SRBD1: variants seen among roughly 807,000 people sequenced by gnomAD.
The protein encoded by SRBD1 is S1 RNA-binding domain-containing protein 1.
Under a neutral mutation model 115.3 loss-of-function variants are expected in SRBD1, and 88 were observed. The ratio of observed to expected loss-of-function variants is 0.76; its 90% CI spans 0.64 to 0.91. The LOEUF is 0.91. SRBD1 is among the 40% of genes least tolerant of loss of function. The pLI is 0.00. For missense variants in SRBD1, 1,385 were observed against 1,177.4 expected (o/e 1.18, Z -2.58); for synonymous variants, 509 against 407.7 (o/e 1.25, Z -2.99).
intron 16 of SRBD1, among the ~76,000 whole-genome samples, chr2:45,456,041 A>G (rs558004921): frequency 5.4e-4 from 82 of 151,916 alleles, no homozygotes; most frequent in African/African-American, 1.9e-3. Context: ...AAAAAAAATC[A>G]CCTTACTAAA....
intron 19 of SRBD1, among the ~76,000 whole-genome samples, chr2:45,396,824 G>T (rs1400977915): frequency 6.6e-6 from 1 of 152,046 alleles, no homozygotes; most frequent in Non-Finnish European, 1.5e-5. Context: ...CTGAGGACTT[G>T]GTTCATTACA....
intron 15 of SRBD1, among the ~76,000 whole-genome samples, chr2:45,477,759 G>A (rs2103821877): frequency 6.6e-6 from 1 of 152,248 alleles, no homozygotes; most frequent in East Asian, 1.9e-4. Flanking sequence ...CTTGGCTAAT[G>A]AATATACTCA....
intron 14 of SRBD1, among the ~76,000 whole-genome samples, chr2:45,500,781 T>C (rs1411521319): frequency 6.6e-6 from 1 of 152,212 alleles, no homozygotes; most frequent in African/African-American, 2.4e-5. Context: ...TTATCACTTC[T>C]AAGAGTTTTT....
intron 14 of SRBD1, among the ~76,000 whole-genome samples, chr2:45,543,017 ATGAG>A (rs1224289945): frequency 6.6e-6 from 1 of 152,232 alleles, no homozygotes; most frequent in African/African-American, 2.4e-5. Flanking sequence ...CAAAAGCAAA[ATGAG>A]TGCCTACCAT....
chr2:45,394,635 C>G lies in SRBD1; in HGVS notation c.2514-1506G>C, dbSNP rs562271948. ...CATTGTTGTGTTCAACCAGAAAGGT[C>G]TCTTCACAGTGATACTCTGATAATA... On this transcript the variant is annotated intron_variant, in intron 19 of 20. Coordinates refer to ENST00000263736, the MANE Select transcript of SRBD1 (RefSeq NM_018079.5). Among the ~76,000 whole-genome samples the G allele has an allele frequency of 3.3e-5, 5 of 152,282 alleles. No homozygotes were observed. In the East Asian group the frequency reaches 9.7e-4, roughly 29 times the overall value.
chr2:45,394,998 T>C (rs1667104157), intron 19 of SRBD1, among the ~76,000 whole-genome samples: 1 of 152,152 alleles, frequency 6.6e-6, no homozygotes, highest in Non-Finnish European at 1.5e-5. Context: ...AACAGTAGCA[T>C]ACAAGGGTCC....
At chr2:45,515,672 T>C (rs1428020401) in intron 14 of SRBD1, among the ~76,000 whole-genome samples, 1 of 152,158 alleles carries the variant, frequency 6.6e-6, no homozygotes, top group Non-Finnish European at 1.5e-5. Context: ...AACTGATCAC[T>C]ATGCTGTTTC....
At chr2:45,392,889 G>C in intron 20 of SRBD1, 56 bp downstream of exon 20, 1 of 1,465,722 alleles carries the variant, frequency 6.8e-7, no homozygotes, top group South Asian at 1.4e-5. Flanking sequence ...AGGATCAAAG[G>C]AGATAATGGG....
intron 16 of SRBD1, among the ~76,000 whole-genome samples, chr2:45,461,799 G>C (rs1041438606): frequency 2.0e-5 from 3 of 152,178 alleles, no homozygotes; most frequent in Non-Finnish European, 4.4e-5. Context: ...ACTTCAGATA[G>C]TTATCGTCAT....
At chr2:45,461,799 G>A (rs1041438606) in intron 16 of SRBD1, among the ~76,000 whole-genome samples, 1 of 152,178 alleles carries the variant, frequency 6.6e-6, no homozygotes, top group African/African-American at 2.4e-5. Flanking sequence ...ACTTCAGATA[G>A]TTATCGTCAT....
Position 45,546,731 on chromosome 2 carries a change from C to G in SRBD1, c.1874+1G>C, listed in dbSNP as rs766816947. The G allele has an allele frequency of 2.5e-6, 4 of 1,613,704 alleles. No homozygotes were observed. The highest frequency in any genetic ancestry group is 3.4e-6 in the Non-Finnish European group (4 of 1,179,676). On this transcript the variant is annotated splice_donor_variant, in intron 14 of 20. Transcript: ENST00000263736. LOFTEE classifies it high-confidence loss of function. ...AAAAGAGATATATGTAATAGCCTTA[C>G]CAGTAAACAACATCCAGTGGTGCAA...
At chr2:45,428,585 C>CGTAA (rs1553329861) in intron 16 of SRBD1, among the ~76,000 whole-genome samples, 2 of 148,866 alleles carry the variant, frequency 1.3e-5, no homozygotes, top group African/African-American at 5.0e-5. Flanking sequence ...TAAATAAATA[C>CGTAA]ATAAATAAAT....
intron 1 of SRBD1, among the ~76,000 whole-genome samples, chr2:45,609,146 T>C (rs989496933): frequency 6.6e-6 from 1 of 152,192 alleles, no homozygotes; most frequent in Non-Finnish European, 1.5e-5. Flanking sequence ...ATAATTGACA[T>C]GCAATACACT....
intron 14 of SRBD1, among the ~76,000 whole-genome samples, chr2:45,532,550 T>C (rs566529730): frequency 1.3e-5 from 2 of 151,966 alleles, no homozygotes; most frequent in Admixed American, 6.6e-5. Flanking sequence ...CTGAACTTTA[T>C]TCTGCAACTA....
intron 16 of SRBD1, among the ~76,000 whole-genome samples, chr2:45,427,868 C>T (rs921516811): frequency 6.6e-6 from 1 of 152,160 alleles, no homozygotes; most frequent in Non-Finnish European, 1.5e-5. Context: ...TAGAGACCTA[C>T]AAAGAAACTT....
intron 16 of SRBD1, among the ~76,000 whole-genome samples, chr2:45,454,674 G>A (rs914753731): frequency 9.9e-5 from 15 of 151,796 alleles, no homozygotes; most frequent in Admixed American, 2.6e-4. Context: ...AAACTCAAGC[G>A]ATAGTCTGCT....
chr2:45,574,759 A>T (rs952425437), intron 7 of SRBD1, 36 bp from the exon 8 acceptor site: 1 of 1,529,818 alleles, frequency 6.5e-7, no homozygotes, highest in Non-Finnish European at 8.9e-7. Context: ...ACAAAAACAA[A>T]AAGTATACGA....
Position 45,500,186 on chromosome 2 carries a change from T to G in SRBD1, c.1875-11855A>C, listed in dbSNP as rs1444948536. ...AATTTCTTTCACCAGTATTTTATAG[T>G]TTTCTTTGGAAAAATCTTTGACTTC... is the stretch of plus-strand genomic sequence containing the variant. On this transcript the variant is annotated intron_variant, in intron 14 of 20. Coordinates refer to ENST00000263736, the MANE Select transcript of SRBD1 (RefSeq NM_018079.5). Among the ~76,000 whole-genome samples, 7 of 152,090 alleles carry G rather than the reference T, an allele frequency of 4.6e-5. 1 individual carries two copies. The South Asian group carries it at 6.2e-4, about 14-fold the overall frequency.
chr2:45,458,437 G>C (rs111319000), intron 16 of SRBD1, among the ~76,000 whole-genome samples: 3,834 of 152,208 alleles, frequency 0.025, 166 homozygotes, highest in African/African-American at 0.087. Context: ...CCTAAATTAA[G>C]TCTCTTTAGA....
Sources: gnomAD v4.1 joint callset for allele counts (sites outside exome capture counted in the v4.1 genomes callset) on GRCh38, gnomAD v4.1.1 for gene constraint, MANE v1.5 for transcripts, NCBI Gene and HGNC (gene_info 2026-07-23, HGNC 2026-07-21) for gene names.